Variants in TP63 observed in about 807,000 individuals in gnomAD.
TP63 encodes tumor protein 63.
A neutral mutation model predicts 82.8 loss-of-function variants in TP63; 17 were observed. The ratio of observed to expected loss-of-function variants is 0.21; its 90% CI spans 0.14 to 0.31. The LOEUF (loss-of-function observed/expected upper bound fraction) is 0.31. Among genes scored for constraint, TP63 ranks in the 10% least tolerant of loss-of-function variants. The probability of loss-of-function intolerance (pLI) is 1.00; values close to 1 mark genes in which losing one functional copy is unlikely to be tolerated. For synonymous variants in TP63, 330 were observed against 321.7 expected (o/e 1.03, Z -0.28); for missense variants, 648 against 895.3 (o/e 0.72, Z 3.52).
chr3:189,744,059 C>T (rs1053574766), intron 3 of TP63, among the ~76,000 whole-genome samples: 4 of 152,202 alleles, frequency 2.6e-5, no homozygotes, highest in African/African-American at 7.2e-5. Flanking sequence ...CACCAGACTG[C>T]ATCCTACCCT....
In TP63 at chr3:189,885,830, C is replaced by T. The variant is rs893070551; in HGVS notation, c.1350-564C>T. ...AGGTTCTCTCATACATCATGAACAT[C>T]TCTATTGAAAATGCATGTTTCCAAG... On this transcript the variant is annotated intron_variant, in intron 10 of 13. Coordinates refer to ENST00000264731, the MANE Select transcript of TP63 (RefSeq NM_003722.5). 4.6e-5 allele frequency among the ~76,000 whole-genome samples: 7 copies of T among 152,146 alleles called. No individual in the cohort carries two copies. The East Asian group carries it at 1.3e-3, about 29-fold the overall frequency.
At chr3:189,768,035 G>A (rs753273275) in intron 3 of TP63, among the ~76,000 whole-genome samples, 17 of 152,118 alleles carry the variant, frequency 1.1e-4, no homozygotes, top group Non-Finnish European at 2.2e-4. Flanking sequence ...AAATGAAGTA[G>A]CATTTTATTG....
chr3:189,808,537 C>T lies in TP63; in HGVS notation c.579+11C>T, dbSNP rs769367848. 2 of 1,613,036 alleles carry T rather than the reference C, an allele frequency of 1.2e-6. No individual in the cohort carries two copies. The highest frequency in any genetic ancestry group is 2.2e-5 in the East Asian group (1 of 44,888). Reference sequence around the variant, plus strand: ...TCGGCCACCTGGACGGTAAGAGCAGCGGGCACGCACATACCTGACCCCCCA... The same window carrying T: ...TCGGCCACCTGGACGGTAAGAGCAGTGGGCACGCACATACCTGACCCCCCA... On this transcript the variant is annotated intron_variant, in intron 4 of 13. Coordinates refer to ENST00000264731, the MANE Select transcript of TP63 (RefSeq NM_003722.5).
intron 1 of TP63, among the ~76,000 whole-genome samples, chr3:189,682,366 T>A (rs1382753713): frequency 3.5e-5 from 5 of 143,554 alleles, no homozygotes; most frequent in Non-Finnish European, 6.1e-5. Context: ...TTTTTTTTTT[T>A]AATTACTACT....
intron 1 of TP63, 142 bp downstream of exon 1, chr3:189,631,719 A>G (rs1729470786): frequency 1.3e-6 from 2 of 1,561,348 alleles, no homozygotes; most frequent in Non-Finnish European, 1.7e-6. Context: ...TGTGGACTTA[A>G]AGTGGTCTGT....
intron 3 of TP63, among the ~76,000 whole-genome samples, chr3:189,798,529 T>G (rs1040634643): frequency 6.6e-6 from 1 of 152,128 alleles, no homozygotes; most frequent in African/African-American, 2.4e-5. Flanking sequence ...ATTTTTATCT[T>G]GCTTTGCAGG....
intron 10 of TP63, among the ~76,000 whole-genome samples, chr3:189,877,063 G>A (rs1719312020): frequency 6.6e-6 from 1 of 152,078 alleles, no homozygotes; most frequent in South Asian, 2.1e-4. Flanking sequence ...CTTTTCATTT[G>A]TGCATGGTTT....
intron 1 of TP63, among the ~76,000 whole-genome samples, chr3:189,711,069 T>A (rs1283371063): frequency 6.6e-6 from 1 of 152,206 alleles, no homozygotes; most frequent in Non-Finnish European, 1.5e-5. Flanking sequence ...ACACATTGGT[T>A]ACAGTGCCCA....
At chr3:189,658,595 C>T (rs1045325645) in intron 1 of TP63, among the ~76,000 whole-genome samples, 4 of 152,026 alleles carry the variant, frequency 2.6e-5, no homozygotes, top group South Asian at 2.1e-4. Flanking sequence ...AAATCCATAA[C>T]GCTAATTCTA....
At chr3:189,827,944 G>C (rs925641011) in intron 4 of TP63, among the ~76,000 whole-genome samples, 13 of 152,074 alleles carry the variant, frequency 8.5e-5, no homozygotes, top group African/African-American at 3.1e-4. Flanking sequence ...CAATATTTTA[G>C]ATAAGAGATA....
At chr3:189,688,108 A>G (rs529242346) in intron 1 of TP63, among the ~76,000 whole-genome samples, 2 of 152,264 alleles carry the variant, frequency 1.3e-5, no homozygotes, top group East Asian at 1.9e-4. Context: ...AAGCTTCAAT[A>G]CTTGGCTCCT....
At position 189,865,333 on chromosome 3, in the gene TP63, C is replaced by A. The variant is rs560693829; in HGVS notation, c.766+915C>A. 1.3e-3 allele frequency among the ~76,000 whole-genome samples: 191 copies of A among 152,152 alleles called. 1 individual carries two copies. Among genetic ancestry groups the A allele is most frequent in the Non-Finnish European group, 1.5e-4 (10 of 68,040 alleles). ...AGGTATCATGAAGGCCACCTTTAGA[C>A]GCTATATCCATGAATAAGTCATGCC... On this transcript the variant is annotated intron_variant, in intron 5 of 13. Transcript: ENST00000264731.
intron 10 of TP63, among the ~76,000 whole-genome samples, chr3:189,876,595 A>C (rs1190563894): frequency 6.6e-6 from 1 of 152,146 alleles, no homozygotes; most frequent in Admixed American, 6.5e-5. Context: ...TAACTTGTGC[A>C]TGGAAATCTA....
At chr3:189,823,813 A>G (rs936547187) in intron 4 of TP63, among the ~76,000 whole-genome samples, 1 of 152,150 alleles carries the variant, frequency 6.6e-6, no homozygotes, top group Non-Finnish European at 1.5e-5. Flanking sequence ...TTTGTAAACT[A>G]GGAAGTCTAT....
rs1721451080 is a variant in TP63, at chr3:189,896,110, G to A, written c.*1608G>A. The A allele has an allele frequency of 9.0e-6, 2 of 222,190 alleles. No individual in the cohort carries two copies. The highest frequency in any genetic ancestry group is 1.8e-5 in the Non-Finnish European group (2 of 110,956). 13.8% of individuals were successfully genotyped at this position (222,190 alleles called of 1,614,324 possible). On this transcript the variant is annotated 3_prime_UTR_variant, in exon 14 of 14. Transcript: ENST00000264731. ...ATATAACACATTTTTTTGCATGCAT[G>A]CAAATGAGCTCTGAAATCTTCCCAT... is the stretch of plus-strand genomic sequence containing the variant.
At chr3:189,881,433 T>C (rs925560567) in intron 10 of TP63, 34 of 985,298 alleles carry the variant, frequency 3.5e-5, no homozygotes, top group Admixed American at 6.1e-5. Flanking sequence ...TTTCTTGTTA[T>C]TGAGGCTGTT....
chr3:189,685,609 G>A (rs1716370644), intron 1 of TP63, among the ~76,000 whole-genome samples: 2 of 152,086 alleles, frequency 1.3e-5, no homozygotes, highest in East Asian at 3.9e-4. Flanking sequence ...GGTTTGTGTA[G>A]CAAGTCTTCA....
In TP63 at chr3:189,716,838, A is replaced by G. The variant is rs533578073; in HGVS notation, c.63-20902A>G. ...TTTAGATGGAGTCTTGCTCTGTCTC[A>G]CCCAGGCTGTAGTGCAGTGGCGCAA... On this transcript the variant is annotated intron_variant, in intron 1 of 13. Coordinates refer to ENST00000264731, the MANE Select transcript of TP63 (RefSeq NM_003722.5). Among the ~76,000 whole-genome samples the G allele has an allele frequency of 7.9e-5, 12 of 151,164 alleles. No homozygotes were observed. The South Asian group carries it at 2.5e-3, about 32-fold the overall frequency.
At chr3:189,792,076 C>A (rs1442294069) in intron 3 of TP63, among the ~76,000 whole-genome samples, 6 of 152,030 alleles carry the variant, frequency 3.9e-5, no homozygotes, top group African/African-American at 1.4e-4. Context: ...CTAGCAATTT[C>A]TTTGAGTTGA....
Sources: allele counts gnomAD v4.1 joint callset (sites outside exome capture counted in the v4.1 genomes callset), GRCh38; gene constraint gnomAD v4.1.1; transcripts MANE v1.5; gene names NCBI Gene and HGNC (gene_info 2026-07-23, HGNC 2026-07-21).